The following CD163L1 variants were observed in gnomAD, a reference collection of about 807,000 sequenced individuals.
CD163L1 encodes the protein scavenger receptor cysteine-rich type 1 protein M160.
CD163L1 carries 124 observed loss-of-function variants against 165.4 expected under a neutral mutation model. The observed-to-expected ratio is 0.75, with a 90% CI of 0.65 to 0.87. The LOEUF (loss-of-function observed/expected upper bound fraction) is 0.87, where lower values mean the gene tolerates loss of function less well. Ranked by LOEUF, CD163L1 falls within the 40% of genes least tolerant of loss-of-function variation. The pLI, the probability that CD163L1 is intolerant of heterozygous loss-of-function variation, is 0.00. For synonymous variants in CD163L1, 585 were observed against 662.2 expected (o/e 0.88, Z 1.79); for missense variants, 1,525 against 1,799.9 (o/e 0.85, Z 2.76).
chr12:7,375,216 C>T (rs1215203132), intron 11 of CD163L1, 65 bp downstream of exon 11: 3 of 1,531,568 alleles, frequency 2.0e-6, no homozygotes, highest in Non-Finnish European at 2.7e-6. Context: ...TTCCTTTAAT[C>T]CCAACTCCCT....
intron 4 of CD163L1, among the ~76,000 whole-genome samples, chr12:7,409,865 C>T (rs879489742): frequency 4.6e-5 from 7 of 152,052 alleles, no homozygotes; most frequent in Non-Finnish European, 7.3e-5. Flanking sequence ...AATTGTGCAT[C>T]TTACTCTCTC....
Position 7,373,306 on chromosome 12 carries a change from A to G in CD163L1, c.3730+14T>C, listed in dbSNP as rs1947181230. On this transcript the variant is annotated intron_variant, in intron 14 of 19. Coordinates refer to ENST00000313599, the MANE Select transcript of CD163L1 (RefSeq NM_174941.6). Reference sequence around the variant, plus strand: ...AGGGCTTCAGTGACAGCTGGTGTTTAGAAAGATACCCACCTTCACATGTGA... The same window carrying G: ...AGGGCTTCAGTGACAGCTGGTGTTTGGAAAGATACCCACCTTCACATGTGA... The G allele has an allele frequency of 1.3e-6, 2 of 1,580,866 alleles. No individual in the cohort carries two copies.
intron 18 of CD163L1, among the ~76,000 whole-genome samples, chr12:7,360,329 G>A (rs1343643783): frequency 6.6e-6 from 1 of 152,036 alleles, no homozygotes; most frequent in Non-Finnish European, 1.5e-5. Flanking sequence ...TTTTAGTAGA[G>A]ATGAGGTTTC....
intron 9 of CD163L1, 22 bp from the exon 10 acceptor site, chr12:7,376,036 G>C: frequency 6.3e-7 from 1 of 1,596,722 alleles, no homozygotes; most frequent in South Asian, 1.1e-5. Flanking sequence ...TATTTCAAAG[G>C]TTAGTTTTTA....
At chr12:7,335,688 C>T in the CD163L1 span, among the ~76,000 whole-genome samples, 21 of 152,278 alleles carry the variant, frequency 1.4e-4, no homozygotes, top group Admixed American at 4.6e-4. Context: ...AGCTTCTGCA[C>T]AGCAAAAGAA....
intron 4 of CD163L1, among the ~76,000 whole-genome samples, chr12:7,417,762 C>T (rs770517309): frequency 4.6e-5 from 7 of 151,936 alleles, no homozygotes; most frequent in African/African-American, 1.2e-4. Context: ...GGGATGAAGA[C>T]GACTTGATCT....
chr12:7,340,316 A>G, the CD163L1 span, among the ~76,000 whole-genome samples: 2 of 152,142 alleles, frequency 1.3e-5, no homozygotes, highest in African/African-American at 4.8e-5. Context: ...TTGCTTATTA[A>G]CTCAAGGGAA....
intron 4 of CD163L1, among the ~76,000 whole-genome samples, chr12:7,420,754 T>C (rs1049685880): frequency 6.6e-6 from 1 of 151,898 alleles, no homozygotes; most frequent in Non-Finnish European, 1.5e-5. Context: ...GGTGAGAATA[T>C]AAACTAGTAC....
At chr12:7,389,314 A>G (rs1947592756) in intron 8 of CD163L1, among the ~76,000 whole-genome samples, 2 of 152,204 alleles carry the variant, frequency 1.3e-5, no homozygotes, top group East Asian at 3.9e-4. Flanking sequence ...GGGTAATATG[A>G]TATCTCATTG....
chr12:7,327,713 C>A, the CD163L1 span, among the ~76,000 whole-genome samples: 1 of 152,164 alleles, frequency 6.6e-6, no homozygotes, highest in Non-Finnish European at 1.5e-5. Flanking sequence ...AAACTACTCA[C>A]ATTTTCTCCA....
chr12:7,407,766 T>TAC (rs950006183), intron 4 of CD163L1, among the ~76,000 whole-genome samples: 3 of 148,118 alleles, frequency 2.0e-5, no homozygotes, highest in African/African-American at 5.0e-5. Flanking sequence ...TGTGTATATA[T>TAC]ACACACACAC....
chr12:7,324,791 T>C, the CD163L1 span, among the ~76,000 whole-genome samples: 9 of 151,886 alleles, frequency 5.9e-5, no homozygotes, highest in South Asian at 1.9e-3. Context: ...AGAATTCTTT[T>C]GATGGCAAGT....
the CD163L1 span, chr12:7,328,180 T>A: frequency 1.3e-6 from 1 of 790,194 alleles, no homozygotes; most frequent in African/African-American, 1.8e-5. Flanking sequence ...GCTAAGATAA[T>A]CTCGACTTTA....
chr12:7,410,753 C>T (rs1948123401), intron 4 of CD163L1, among the ~76,000 whole-genome samples: 1 of 151,730 alleles, frequency 6.6e-6, no homozygotes, highest in African/African-American at 2.4e-5. Context: ...TCGCTTGAAC[C>T]CAGGAGGCAG....
the CD163L1 span, among the ~76,000 whole-genome samples, chr12:7,333,868 A>G: frequency 6.6e-6 from 1 of 151,642 alleles, no homozygotes; most frequent in African/African-American, 2.4e-5. Context: ...ACACCTCTAC[A>G]CAAATAAACT....
At chr12:7,335,696 G>A in the CD163L1 span, among the ~76,000 whole-genome samples, 1 of 152,178 alleles carries the variant, frequency 6.6e-6, no homozygotes, top group Admixed American at 6.5e-5. Context: ...CACAGCAAAA[G>A]AAACTACCAT....
intron 4 of CD163L1, among the ~76,000 whole-genome samples, chr12:7,414,540 T>A (rs1421421073): frequency 6.7e-6 from 1 of 148,396 alleles, no homozygotes; most frequent in African/African-American, 2.6e-5. Context: ...ACAACAGAAA[T>A]TTAAAAATTA....
At position 7,368,751 on chromosome 12, in the gene CD163L1, C is replaced by T; in HGVS notation, c.4072+182G>A. 1.6e-6 allele frequency: 1 copy of T among 626,774 alleles called. No homozygotes were observed. Among genetic ancestry groups the T allele is most frequent in the Non-Finnish European group, 2.8e-6 (1 of 351,766 alleles). 38.8% of individuals were successfully genotyped at this position (626,774 alleles called of 1,614,324 possible). ...TTCTCTGCATGTAAAAAGGATTTTT[C>T]TAGAGAGAAGGACTGCATAGCAAAG... On this transcript the variant is annotated intron_variant, in intron 16 of 19. Transcript: ENST00000313599. The surrounding 1 kb of genome is among the most constrained non-coding windows in gnomAD (Gnocchi z 4.3).
the CD163L1 span, chr12:7,320,935 A>C: frequency 1.2e-6 from 1 of 823,572 alleles, no homozygotes; most frequent in Non-Finnish European, 2.0e-6. Context: ...GAACCGAATA[A>C]TTCTATCGTC....
Sources: allele counts gnomAD v4.1 joint callset (sites outside exome capture counted in the v4.1 genomes callset), GRCh38; gene constraint gnomAD v4.1.1; non-coding constraint Gnocchi (gnomAD v3.1); transcripts MANE v1.5; gene names NCBI Gene and HGNC (gene_info 2026-07-23, HGNC 2026-07-21).